The following ARL6IP6 variants were observed in gnomAD, a reference collection of about 807,000 sequenced individuals.
The protein encoded by ARL6IP6 is ADP-ribosylation factor-like protein 6-interacting protein 6.
A neutral mutation model predicts 21.5 loss-of-function variants in ARL6IP6; 22 were observed. That is an observed-to-expected ratio of 1.02 (90% confidence interval 0.73 to 1.46). The LOEUF (loss-of-function observed/expected upper bound fraction) is 1.46. ARL6IP6 is among the 40% of genes most tolerant of loss of function. The pLI is 0.00. For missense variants in ARL6IP6, 388 were observed against 299.8 expected, an observed-to-expected ratio of 1.29 and a Z score of -2.17; for synonymous variants, 164 against 125.3, an observed-to-expected ratio of 1.31 and a Z score of -2.06.
intron 1 of ARL6IP6, chr2:152,720,270 T>C: frequency 2.0e-6 from 1 of 490,388 alleles, no homozygotes; most frequent in Non-Finnish European, 3.7e-6. Context: ...CCACCTAGTA[T>C]GCCCTTTAGT....
At chr2:152,738,519 G>T (rs1268282907) in intron 3 of ARL6IP6, among the ~76,000 whole-genome samples, 1 of 152,186 alleles carries the variant, frequency 6.6e-6, no homozygotes, top group Admixed American at 6.5e-5. Context: ...TGAAATCTAG[G>T]TGGAAGTTGC....
chr2:152,737,766 CA>C (rs1327656242), intron 3 of ARL6IP6, among the ~76,000 whole-genome samples: 1 of 152,140 alleles, frequency 6.6e-6, no homozygotes, highest in Non-Finnish European at 1.5e-5. Flanking sequence ...GTCCCTCCCA[CA>C]ACACATGGGA....
intron 2 of ARL6IP6, among the ~76,000 whole-genome samples, chr2:152,721,427 T>C (rs910627492): frequency 2.0e-5 from 3 of 152,136 alleles, no homozygotes; most frequent in Non-Finnish European, 4.4e-5. Flanking sequence ...TTCTGCAGTG[T>C]CTGTAGAATG....
At chr2:152,744,653 A>T (rs987193088) in intron 3 of ARL6IP6, among the ~76,000 whole-genome samples, 18 of 152,254 alleles carry the variant, frequency 1.2e-4, no homozygotes, top group African/African-American at 4.1e-4. Flanking sequence ...GGTATCTGCT[A>T]CCTTCCTCAT....
At chr2:152,719,764 A>AC in intron 1 of ARL6IP6, 46 of 249,240 alleles carry the variant, frequency 1.8e-4, no homozygotes, top group East Asian at 3.9e-4. Flanking sequence ...AAAAAAAAAA[A>AC]AAAAAAAAAA....
At chr2:152,756,138 A>G (rs1021189010) in intron 3 of ARL6IP6, among the ~76,000 whole-genome samples, 3 of 152,140 alleles carry the variant, frequency 2.0e-5, no homozygotes, top group African/African-American at 7.2e-5. Context: ...TGTCATATCT[A>G]AGAATCTGTT....
chr2:152,717,668 C>G (rs878993363), upstream of ARL6IP6: 4 of 1,416,656 alleles, frequency 2.8e-6, no homozygotes, highest in South Asian at 4.5e-5. Flanking sequence ...GAAGTTTCTG[C>G]GCCGAGTCCT....
At position 152,718,645 on chromosome 2, in the gene ARL6IP6, G is replaced by C; in HGVS notation, c.21G>C (p.Gly7=). The part of the protein sequence containing the change: MSFAES[G]WRSALRRRGP... ...GCGCCATGTCGTTTGCTGAGAGCGG[G>C]TGGCGGTCGGCTCTGCGGCGCCGCG... The change falls in exon 1 of 4, where the codon GGG becomes GGC. Residue 7 remains glycine (G), a synonymous_variant. Transcript: ENST00000326446. The C allele has an allele frequency of 1.3e-6, 2 of 1,545,652 alleles. No homozygotes were observed. The highest frequency in any genetic ancestry group is 1.7e-6 in the Non-Finnish European group (2 of 1,145,274).
At chr2:152,726,993 T>C (rs1310434929) in intron 2 of ARL6IP6, among the ~76,000 whole-genome samples, 1 of 152,244 alleles carries the variant, frequency 6.6e-6, no homozygotes, top group Non-Finnish European at 1.5e-5. Flanking sequence ...GTATTTACTA[T>C]GCTTCTTATT....
At chr2:152,731,182 T>A (rs935694443) in intron 2 of ARL6IP6, among the ~76,000 whole-genome samples, 1 of 152,216 alleles carries the variant, frequency 6.6e-6, no homozygotes, top group Non-Finnish European at 1.5e-5. Context: ...ATTTCTTCTT[T>A]CTGCTTTGCC....
intron 3 of ARL6IP6, among the ~76,000 whole-genome samples, chr2:152,750,474 CAA>C (rs932942369): frequency 1.4e-4 from 9 of 66,148 alleles, no homozygotes; most frequent in Admixed American, 3.5e-4. Flanking sequence ...AGACTCTGTC[CAA>C]AAAAAAAAAA....
At chr2:152,718,365 C>T, upstream of ARL6IP6, 2 of 411,734 alleles carry the variant, frequency 4.9e-6, no homozygotes, top group Non-Finnish European at 8.1e-6. Flanking sequence ...CTTCGGCCTC[C>T]GCTCGCTTCT....
At chr2:152,736,740 C>G (rs1178515612) in intron 3 of ARL6IP6, among the ~76,000 whole-genome samples, 1 of 152,054 alleles carries the variant, frequency 6.6e-6, no homozygotes, top group Admixed American at 6.6e-5. Flanking sequence ...AAAAAAATTA[C>G]AATACAACAA....
rs866698558 is a variant in ARL6IP6 at position 152,719,535 on chromosome 2, A to C, written c.400+511A>C. ...CCTCTCAGTTTTTAAGTTTGTATCC[A>C]GGTGTAGTGCACGGAGTTCTGTTGC... On this transcript the variant is annotated intron_variant, in intron 1 of 3. Coordinates refer to ENST00000326446, the MANE Select transcript of ARL6IP6 (RefSeq NM_152522.7). 5.3e-5 allele frequency among the ~76,000 whole-genome samples: 8 copies of C among 152,312 alleles called. No homozygotes were observed. In the Middle Eastern group the frequency reaches 0.017, roughly 324 times the overall value.
chr2:152,732,170 A>G (rs1700347343), intron 2 of ARL6IP6, among the ~76,000 whole-genome samples: 1 of 151,948 alleles, frequency 6.6e-6, no homozygotes, highest in East Asian at 1.9e-4. Flanking sequence ...ATTGTATATT[A>G]TAATATACAG....
At chr2:152,717,833 G>C (rs1331527152), upstream of ARL6IP6, 1 of 1,113,322 alleles carries the variant, frequency 9.0e-7, no homozygotes, top group Non-Finnish European at 1.1e-6. Context: ...CCACAAACCT[G>C]AGGCCGCCAG....
intron 3 of ARL6IP6, among the ~76,000 whole-genome samples, chr2:152,749,114 A>AT (rs1390994183): frequency 8.5e-5 from 13 of 152,148 alleles, no homozygotes; most frequent in Admixed American, 7.9e-4. Context: ...TTCCTGAAAA[A>AT]TGAAAATAAT....
chr2:152,733,089 CA>C (rs2105123229), intron 2 of ARL6IP6, among the ~76,000 whole-genome samples: 1 of 152,204 alleles, frequency 6.6e-6, no homozygotes, highest in Non-Finnish European at 1.5e-5. Flanking sequence ...ATTGCTTCTA[CA>C]ACTTTATATT....
intron 2 of ARL6IP6, among the ~76,000 whole-genome samples, chr2:152,723,066 T>C (rs1574013234): frequency 6.6e-6 from 1 of 152,232 alleles, no homozygotes; most frequent in Non-Finnish European, 1.5e-5. Context: ...AGATAATTGA[T>C]AGCTGAAAAG....
Sources: gnomAD v4.1 joint callset for allele counts (sites outside exome capture counted in the v4.1 genomes callset) on GRCh38, gnomAD v4.1.1 for gene constraint, MANE v1.5 for transcripts, NCBI Gene and HGNC (gene_info 2026-07-23, HGNC 2026-07-21) for gene names.